Variants in SPEG observed in about 807,000 individuals in gnomAD.
The protein encoded by SPEG is striated muscle enriched protein kinase.
Under a neutral mutation model 300.4 loss-of-function variants are expected in SPEG, and 114 were observed. That is an observed-to-expected ratio of 0.38 (90% CI 0.33 to 0.44). SPEG has a LOEUF of 0.44. SPEG is among the 20% of genes least tolerant of loss of function. The pLI is 1.00. For missense variants in SPEG, 4,201 were observed against 4,586.2 expected (o/e 0.92, Z 2.43); for synonymous variants, 1,964 against 2,018.9 (o/e 0.97, Z 0.73).
In SPEG at chr2:219,459,431, A is replaced by G. The variant is rs1194260577; in HGVS notation, c.2441-2451A>G. Among the ~76,000 whole-genome samples the G allele has an allele frequency of 6.6e-6, 1 of 152,108 alleles. No individual in the cohort carries two copies. Among genetic ancestry groups the G allele is most frequent in the Admixed American group, 6.6e-5 (1 of 15,262 alleles). ...GAATCCTCGATCAGCTTCCTTGGTCACTCACTTTTGGAGGTATGGAGGGGC... is the reference window on the plus strand; with the variant it reads ...GAATCCTCGATCAGCTTCCTTGGTCGCTCACTTTTGGAGGTATGGAGGGGC... On this transcript the variant is annotated intron_variant, in intron 6 of 40. Transcript: ENST00000312358. The surrounding 1 kb of genome is among the most constrained non-coding windows in gnomAD (Gnocchi z 4.9).
At chr2:219,476,376 G>T (rs549347825) in intron 18 of SPEG, among the ~76,000 whole-genome samples, 1 of 152,290 alleles carries the variant, frequency 6.6e-6, no homozygotes, top group Non-Finnish European at 1.5e-5. Flanking sequence ...TGAGCCACCT[G>T]CAGGGGCCAA....
At position 219,484,474 on chromosome 2, in the gene SPEG, C is replaced by T. The variant is rs748262520; in HGVS notation, c.7011C>T (p.Phe2337=). Residue 2337 remains phenylalanine (F), a synonymous_variant, in exon 30 of 41, where the codon TTC becomes TTT. Transcript: ENST00000312358. Reference sequence around the variant, plus strand: ...CGGAGGCCGTGTTCGAGGCCAAGTTCAAGCGCAGCCGCGAGTCGCCCCTGT... The same window carrying T: ...CGGAGGCCGTGTTCGAGGCCAAGTTTAAGCGCAGCCGCGAGTCGCCCCTGT... ...LESEAVFEAK[F]KRSRESPLSL... is the part of the protein sequence containing the mutation. 6.2e-7 allele frequency: 1 copy of T among 1,610,286 alleles called. No individual in the cohort carries two copies. The highest frequency in any genetic ancestry group is 1.7e-5 in the Admixed American group (1 of 59,942).
rs73085299 is a variant in SPEG at position 219,459,077 on chromosome 2, C to G, written c.2441-2805C>G. Reference sequence around the variant, plus strand: ...AGGGAGTTCCCTGTGTGCTTCCTAACGCCAGTATTTTCATCAAATGAGTTT... The same window carrying G: ...AGGGAGTTCCCTGTGTGCTTCCTAAGGCCAGTATTTTCATCAAATGAGTTT... On this transcript the variant is annotated intron_variant, in intron 6 of 40. Transcript: ENST00000312358. The surrounding 1 kb of genome is among the most constrained non-coding windows in gnomAD (Gnocchi z 4.9). 6.6e-6 allele frequency among the ~76,000 whole-genome samples: 1 copy of G among 152,150 alleles called. No individual in the cohort carries two copies. The highest frequency in any genetic ancestry group is 1.5e-5 in the Non-Finnish European group (1 of 68,040).
At position 219,475,081 on chromosome 2, in the gene SPEG, G is replaced by T. The variant is rs76841963; in HGVS notation, c.4447+1178G>T. On this transcript the variant is annotated intron_variant, in intron 18 of 40. Transcript: ENST00000312358. ...ATTATAGATGTGAGCCACCGCCTCG[G>T]GCCTTAGGATTCTTTTTATAATTTT... 8.5e-3 allele frequency among the ~76,000 whole-genome samples: 1,291 copies of T among 152,036 alleles called. 19 individuals are homozygous for T. Among genetic ancestry groups the T allele is most frequent in the African/African-American group, 0.03 (1,255 of 41,432 alleles).
At position 219,448,780 on chromosome 2, in the gene SPEG, C is replaced by A. The variant is rs929264588; in HGVS notation, c.1622C>A (p.Thr541Asn). The A allele has an allele frequency of 1.4e-6, 2 of 1,424,428 alleles. No individual in the cohort carries two copies. Among genetic ancestry groups the A allele is most frequent in the African/African-American group, 1.5e-5 (1 of 66,636 alleles). 88.2% of individuals were successfully genotyped at this position (1,424,428 alleles called of 1,614,324 possible). Residue 541 changes from threonine to asparagine, a missense_variant, in exon 4 of 41, where the codon ACC (threonine) becomes AAC (asparagine). Physicochemically the swap from Thr to Asn is moderately conservative, Grantham distance 65. Transcript: ENST00000312358. ...GEPPLFSRPS[T>N]PKTSRAVSPA... ...CCCCCGCTCTTCTCTCGGCCCTCCA[C>A]CCCCAAGACATCGCGGGCCGTGAGC...
intron 6 of SPEG, among the ~76,000 whole-genome samples, chr2:219,456,152 C>T (rs1656231460): frequency 6.6e-6 from 1 of 152,230 alleles, no homozygotes. Flanking sequence ...CTCATCGAAG[C>T]CCATTCTGGT....
In SPEG at chr2:219,448,736, C is replaced by A; in HGVS notation, c.1578C>A (p.Ser526=). ...GCGCCACGCTGCAGCGTGCCCCATC[C>A]CCTCGAGAGCCCGGCGAGCCCCCGC... ...SLRATLQRAP[S]PREPGEPPLF... The change falls in exon 4 of 41, where the codon TCC becomes TCA. Residue 526 remains serine (S), a synonymous_variant. Coordinates refer to ENST00000312358, the MANE Select transcript of SPEG (RefSeq NM_005876.5). 6.8e-7 allele frequency: 1 copy of A among 1,481,378 alleles called. No individual in the cohort carries two copies. The highest frequency in any genetic ancestry group is 8.9e-7 in the Non-Finnish European group (1 of 1,122,758). 91.8% of individuals were successfully genotyped at this position (1,481,378 alleles called of 1,614,324 possible).
At position 219,444,776 on chromosome 2, in the gene SPEG, C is replaced by T. The variant is rs759107764; in HGVS notation, c.478+34C>T. 32 of 1,612,298 alleles carry T rather than the reference C, an allele frequency of 2.0e-5. No individual in the cohort carries two copies. In the East Asian group the frequency reaches 2.9e-4, roughly 15 times the overall value. ...CTGGGGTGTACAAAGAGCAGGCAGG[C>T]GGGTTTTCCATAAGGGGTGCCTCAG... On this transcript the variant is annotated intron_variant, in intron 2 of 40. Coordinates refer to ENST00000312358, the MANE Select transcript of SPEG (RefSeq NM_005876.5). The surrounding 1 kb of genome is among the most constrained non-coding windows in gnomAD (Gnocchi z 7.8).
At position 219,492,524 on chromosome 2, in the gene SPEG, C is replaced by T. The variant is rs149223712; in HGVS notation, c.9612-70C>T. ...GATCCAGGACTGGGACATGGGTCTG[C>T]GGGAGGACAGAGCCCCGGCAGCTCC... is the stretch of plus-strand genomic sequence containing the variant. On this transcript the variant is annotated intron_variant, in intron 40 of 40. Transcript: ENST00000312358. 4.5e-3 allele frequency: 6,807 copies of T among 1,514,684 alleles called. 27 individuals are homozygous for T. Among genetic ancestry groups the T allele is most frequent in the Non-Finnish European group, 4.9e-3 (5,383 of 1,107,528 alleles). The allele number at this position is 1,514,684 out of a possible 1,614,324, so 93.8% of individuals were successfully genotyped here.
At position 219,489,408 on chromosome 2, in the gene SPEG, C is replaced by G. The variant is rs778700041; in HGVS notation, c.8390C>G (p.Pro2797Arg). Residue 2797 changes from proline (P) to arginine (R), a missense_variant, in exon 36 of 41, where the codon CCT becomes CGT. Transcript: ENST00000312358. ...VTSRPARARP[P>R]DSPTSLAPPL... Reference sequence around the variant, plus strand: ...TCAAGGCCAGCCAGGGCCCGGCCTCCTGACTCTCCTACCTCACTGGCCCCA... The same window carrying G: ...TCAAGGCCAGCCAGGGCCCGGCCTCGTGACTCTCCTACCTCACTGGCCCCA... 6.2e-7 allele frequency: 1 copy of G among 1,613,502 alleles called. No individual in the cohort carries two copies. Among genetic ancestry groups the G allele is most frequent in the South Asian group, 1.1e-5 (1 of 91,050 alleles).
In SPEG at chr2:219,490,445, T is replaced by C; in HGVS notation, c.8958T>C (p.Asn2986=). 1 of 1,612,948 alleles carries C rather than the reference T, an allele frequency of 6.2e-7. No homozygotes were observed. Among genetic ancestry groups the C allele is most frequent in the Non-Finnish European group, 8.5e-7 (1 of 1,179,898 alleles). ...RFGVVRACRE[N]ATGRTFVAKI... is the part of the protein sequence containing the mutation. ...GTGTTGTGCGAGCGTGCCGGGAGAA[T>C]GCCACGGGGCGAACGTTCGTGGCCA... is the stretch of plus-strand genomic sequence containing the variant. Residue 2986 remains asparagine (N), a synonymous_variant, in exon 37 of 41, where the codon AAT becomes AAC. Transcript: ENST00000312358.
Position 219,459,908 on chromosome 2 carries a change from T to C in SPEG, c.2441-1974T>C, listed in dbSNP as rs1690506201. 6.6e-6 allele frequency among the ~76,000 whole-genome samples: 1 copy of C among 152,152 alleles called. No individual in the cohort carries two copies. Among genetic ancestry groups the C allele is most frequent in the Non-Finnish European group, 1.5e-5 (1 of 68,008 alleles). On this transcript the variant is annotated intron_variant, in intron 6 of 40. Transcript: ENST00000312358. This position sits in a 1 kb window ranked among gnomAD's most constrained non-coding sequence, Gnocchi z 4.9. ...TGGCCATGCTGGGAAACACAGGTCA[T>C]GGCTTGGGAATGTGGCCCCGGGTTG...
chr2:219,444,030 T>C lies in SPEG; in HGVS notation c.389-623T>C, dbSNP rs1279867968. On this transcript the variant is annotated intron_variant, in intron 1 of 40. Coordinates refer to ENST00000312358, the MANE Select transcript of SPEG (RefSeq NM_005876.5). This position sits in a 1 kb window ranked among gnomAD's most constrained non-coding sequence, Gnocchi z 7.8. ...TCCTGCTGCTCCTATGGAAGCGAAG[T>C]TTTCCGCTCCTGCAGAAAGCAAAGT... 4 of 1,365,604 alleles carry C rather than the reference T, an allele frequency of 2.9e-6. No homozygotes were observed. In the Admixed American group the frequency reaches 7.6e-5, roughly 26 times the overall value. The allele number at this position is 1,365,604 out of a possible 1,614,324, so 84.6% of individuals were successfully genotyped here. A position where few individuals can be genotyped will look rare whatever the true frequency, so the allele number is the denominator to read the frequency against.
Position 219,469,309 on chromosome 2 carries a change from C to G in SPEG, c.3645C>G (p.Pro1215=), listed in dbSNP as rs374311978. Residue 1215 remains proline, a synonymous_variant, in exon 13 of 41, where the codon CCC becomes CCG. Transcript: ENST00000312358. ...AMLECQVTGL[P]YPTISWFHNG... is the part of the protein sequence containing the mutation. The stretch of plus-strand genomic sequence containing the variant: ...TAGAGTGCCAGGTGACCGGCCTGCC[C>G]TACCCCACCATCAGCTGGTTCCACA... 2.5e-6 allele frequency: 4 copies of G among 1,613,992 alleles called. No individual in the cohort carries two copies. The highest frequency in any genetic ancestry group is 3.3e-4 in the Middle Eastern group (2 of 6,062).
At position 219,465,939 on chromosome 2, in the gene SPEG, ACG is replaced by A. The variant is rs530065772; in HGVS notation, c.2882-1234_2882-1233del. 2.5e-3 allele frequency: 1,524 copies of A among 612,898 alleles called. 25 individuals carry two copies. In the East Asian group the frequency reaches 0.039, roughly 16 times the overall value. 38.0% of individuals were successfully genotyped at this position (612,898 alleles called of 1,614,324 possible). Reference sequence around the variant, plus strand: ...TGTGTGTGTGCGCGCGTGTGCGTGCACGTGTGCGTGCATGTGTGCGTGTGCAT... The same window carrying A: ...TGTGTGTGTGCGCGCGTGTGCGTGCATGTGCGTGCATGTGTGCGTGTGCAT... On this transcript the variant is annotated intron_variant, in intron 9 of 40. Transcript: ENST00000312358.
At chr2:219,456,441 C>A (rs1690188666) in intron 6 of SPEG, among the ~76,000 whole-genome samples, 1 of 152,220 alleles carries the variant, frequency 6.6e-6, no homozygotes, top group African/African-American at 2.4e-5. Context: ...CAAACTCAGC[C>A]CTTCCTCTAC....
chr2:219,459,604 G>A lies in SPEG; in HGVS notation c.2441-2278G>A, dbSNP rs781338153. On this transcript the variant is annotated intron_variant, in intron 6 of 40. Transcript: ENST00000312358. This position sits in a 1 kb window ranked among gnomAD's most constrained non-coding sequence, Gnocchi z 4.9. Reference sequence around the variant, plus strand: ...CCACCAGGGGTCTCTGAGGCTCCCTGCAAACCTTGACCATCTGGCCTTCAG... The same window carrying A: ...CCACCAGGGGTCTCTGAGGCTCCCTACAAACCTTGACCATCTGGCCTTCAG... Among the ~76,000 whole-genome samples, 38 of 152,102 alleles carry A rather than the reference G, an allele frequency of 2.5e-4. No individual in the cohort carries two copies. Among genetic ancestry groups the A allele is most frequent in the Non-Finnish European group, 4.4e-4 (30 of 68,006 alleles).
chr2:219,446,879 G>A (rs1406501528), intron 3 of SPEG, among the ~76,000 whole-genome samples: 1 of 151,680 alleles, frequency 6.6e-6, no homozygotes, highest in Non-Finnish European at 1.5e-5. Flanking sequence ...TAAGCACTTG[G>A]TACAAGCCTG....
In SPEG at chr2:219,477,200, A is replaced by G; in HGVS notation, c.4561-77A>G. The G allele has an allele frequency of 8.7e-6, 2 of 228,890 alleles. No homozygotes were observed. Among genetic ancestry groups the G allele is most frequent in the Non-Finnish European group, 1.7e-5 (2 of 116,874 alleles). The allele number at this position is 228,890 out of a possible 1,614,324, so 14.2% of individuals were successfully genotyped here. ...GGTCCTGGTGAGAGATGCGCTGCCCAGAGTAGGAGATGAGGCCCTGGCCCC... is the reference window on the plus strand; with the variant it reads ...GGTCCTGGTGAGAGATGCGCTGCCCGGAGTAGGAGATGAGGCCCTGGCCCC... On this transcript the variant is annotated intron_variant, in intron 19 of 40. Coordinates refer to ENST00000312358, the MANE Select transcript of SPEG (RefSeq NM_005876.5). The surrounding 1 kb of genome is among the most constrained non-coding windows in gnomAD (Gnocchi z 6.4).
Sources: gnomAD v4.1 joint callset for allele counts (sites outside exome capture counted in the v4.1 genomes callset) on GRCh38, gnomAD v4.1.1 for gene constraint, Gnocchi (gnomAD v3.1) non-coding constraint, MANE v1.5 for transcripts, NCBI Gene and HGNC (gene_info 2026-07-23, HGNC 2026-07-21) for gene names.